The following MLLT3 variants were observed in gnomAD, a reference collection of about 807,000 sequenced individuals.
The protein encoded by MLLT3 is MLLT3 super elongation complex subunit.
MLLT3 carries 4 observed loss-of-function variants against 53.2 expected under a neutral mutation model. The observed-to-expected ratio is 0.08, with a 90% CI of 0.04 to 0.17. The LOEUF (loss-of-function observed/expected upper bound fraction) is 0.17. Ranked by LOEUF, MLLT3 falls within the 10% of genes least tolerant of loss-of-function variation. The pLI is 1.00. For missense variants in MLLT3, 569 were observed against 684.0 expected (o/e 0.83, Z 1.87); for synonymous variants, 283 against 230.6 (o/e 1.23, Z -2.06).
intron 2 of MLLT3, among the ~76,000 whole-genome samples, chr9:20,522,114 T>C (rs1301261284): frequency 6.7e-6 from 1 of 149,506 alleles, no homozygotes; most frequent in Admixed American, 6.6e-5. Context: ...AAACAAGTTT[T>C]GATACAAAAA....
chr9:20,415,834 A>G (rs934224853), intron 4 of MLLT3, among the ~76,000 whole-genome samples: 9 of 151,960 alleles, frequency 5.9e-5, no homozygotes, highest in Admixed American at 5.9e-4. Context: ...CCAAATGAAA[A>G]CTTATTGTTC....
intron 4 of MLLT3, among the ~76,000 whole-genome samples, chr9:20,430,122 G>C (rs1823229799): frequency 6.6e-6 from 1 of 151,906 alleles, no homozygotes; most frequent in African/African-American, 2.4e-5. Flanking sequence ...ATTAATAATA[G>C]CAAAACAAAA....
In MLLT3 at chr9:20,606,481, G is replaced by C. The variant is rs542412072; in HGVS notation, c.193+14173C>G. On this transcript the variant is annotated intron_variant, in intron 2 of 10. Transcript: ENST00000380338. ...AGTAATAAGTGCTCAATTTCAGAGA[G>C]AATTACATTATACTCCATTTGAACA... Among the ~76,000 whole-genome samples, 7 of 152,206 alleles carry C rather than the reference G, an allele frequency of 4.6e-5. No homozygotes were observed. The South Asian group carries it at 1.2e-3, about 27-fold the overall frequency.
intron 4 of MLLT3, among the ~76,000 whole-genome samples, chr9:20,428,918 T>TC (rs1437252204): frequency 4.0e-5 from 6 of 151,876 alleles, no homozygotes; most frequent in African/African-American, 1.5e-4. Context: ...CAAAGCTGAC[T>TC]CCCCCAAAAA....
At chr9:20,546,562 AT>A (rs893963917) in intron 2 of MLLT3, among the ~76,000 whole-genome samples, 8 of 139,940 alleles carry the variant, frequency 5.7e-5, no homozygotes, top group Non-Finnish European at 7.8e-5. Context: ...AAAAAAAAAA[AT>A]CTACTGTATG....
chr9:20,511,574 T>C (rs146072863), intron 2 of MLLT3, among the ~76,000 whole-genome samples: 1 of 152,328 alleles, frequency 6.6e-6, no homozygotes, highest in Non-Finnish European at 1.5e-5. Flanking sequence ...ATCACATACA[T>C]TGGGAGGCTG....
chr9:20,511,017 C>T (rs909247102), intron 2 of MLLT3, among the ~76,000 whole-genome samples: 1 of 152,104 alleles, frequency 6.6e-6, no homozygotes, highest in Non-Finnish European at 1.5e-5. Context: ...ATATCTGCAT[C>T]TATTAACCTC....
chr9:20,491,699 A>C (rs925853383), intron 2 of MLLT3, among the ~76,000 whole-genome samples: 3 of 152,156 alleles, frequency 2.0e-5, no homozygotes, highest in African/African-American at 7.2e-5. Context: ...AGTGTCAAAA[A>C]GTACAAATGG....
At chr9:20,453,520 G>A (rs574979646) in intron 3 of MLLT3, among the ~76,000 whole-genome samples, 8 of 152,180 alleles carry the variant, frequency 5.3e-5, no homozygotes, top group East Asian at 1.9e-4. Context: ...CTGAGACTGC[G>A]CCACTGTACT....
chr9:20,363,183 A>T (rs980538484), intron 7 of MLLT3: 1 of 280,254 alleles, frequency 3.6e-6, no homozygotes, highest in African/African-American at 2.2e-5. Flanking sequence ...AAATGAAAAC[A>T]GACTTTAGTT....
At chr9:20,473,278 A>C (rs1185951418) in intron 2 of MLLT3, among the ~76,000 whole-genome samples, 1 of 152,104 alleles carries the variant, frequency 6.6e-6, no homozygotes, top group East Asian at 1.9e-4. Flanking sequence ...CTCTCATCTG[A>C]ATAATTACAT....
chr9:20,541,793 G>T (rs549189782), intron 2 of MLLT3, among the ~76,000 whole-genome samples: 4 of 152,288 alleles, frequency 2.6e-5, no homozygotes, highest in Admixed American at 2.6e-4. Flanking sequence ...GTTTTATCAT[G>T]AGATTGCCGA....
intron 2 of MLLT3, among the ~76,000 whole-genome samples, chr9:20,496,071 G>A (rs1401554807): frequency 1.3e-5 from 2 of 152,178 alleles, no homozygotes; most frequent in African/African-American, 4.8e-5. Flanking sequence ...GTACTGACCT[G>A]TGCTTAGTCC....
chr9:20,453,038 T>C (rs1437312354), intron 3 of MLLT3, among the ~76,000 whole-genome samples: 2 of 152,108 alleles, frequency 1.3e-5, no homozygotes, highest in East Asian at 1.9e-4. Context: ...CAAGTTAAAT[T>C]AGAAAAAATA....
At chr9:20,427,306 A>G (rs1823161404) in intron 4 of MLLT3, among the ~76,000 whole-genome samples, 1 of 151,766 alleles carries the variant, frequency 6.6e-6, no homozygotes, top group Non-Finnish European at 1.5e-5. Flanking sequence ...ACTTTAAGAA[A>G]TGAAAAAAAA....
chr9:20,492,097 G>C (rs1490293238), intron 2 of MLLT3, among the ~76,000 whole-genome samples: 1 of 151,900 alleles, frequency 6.6e-6, no homozygotes, highest in Non-Finnish European at 1.5e-5. Flanking sequence ...AAATTTAAAA[G>C]CTTAAATCTA....
At chr9:20,538,947 A>G (rs577653284) in intron 2 of MLLT3, among the ~76,000 whole-genome samples, 49 of 152,360 alleles carry the variant, frequency 3.2e-4, no homozygotes, top group African/African-American at 1.1e-3. Context: ...TAAAAAATGT[A>G]CATGCCTTAA....
intron 2 of MLLT3, among the ~76,000 whole-genome samples, chr9:20,541,203 T>A (rs1226916146): frequency 6.6e-6 from 1 of 152,184 alleles, no homozygotes; most frequent in Non-Finnish European, 1.5e-5. Flanking sequence ...GTCAAAACCA[T>A]ACAATAAGTC....
At chr9:20,554,576 A>G (rs1469684933) in intron 2 of MLLT3, among the ~76,000 whole-genome samples, 1 of 152,238 alleles carries the variant, frequency 6.6e-6, no homozygotes, top group Non-Finnish European at 1.5e-5. Context: ...AAAACTCTCA[A>G]TAAAACAAAG....
Sources: gnomAD v4.1 joint callset for allele counts (sites outside exome capture counted in the v4.1 genomes callset) on GRCh38, gnomAD v4.1.1 for gene constraint, MANE v1.5 for transcripts, NCBI Gene and HGNC (gene_info 2026-07-23, HGNC 2026-07-21) for gene names.